The following ZP3 variants were observed in gnomAD, a reference collection of about 807,000 sequenced individuals.
ZP3 encodes zona pellucida sperm-binding protein 3.
A neutral mutation model predicts 35.6 loss-of-function variants in ZP3; 21 were observed. That is an observed-to-expected ratio of 0.59 (90% confidence interval 0.42 to 0.85). ZP3 has a LOEUF of 0.85. Ranked by LOEUF, ZP3 falls within the 40% of genes least tolerant of loss-of-function variation. ZP3 has a pLI of 0.00. For missense variants in ZP3, 437 were observed against 536.5 expected (o/e 0.81, Z 1.83); for synonymous variants, 207 against 214.5 (o/e 0.96, Z 0.31).
At chr7:76,419,699 C>CTCCCTT (rs1554624168) in intron 1 of ZP3, among the ~76,000 whole-genome samples, 1 of 144,760 alleles carries the variant, frequency 6.9e-6, no homozygotes, top group East Asian at 2.0e-4. Flanking sequence ...CTCTCTCTCT[C>CTCCCTT]CCTTCCTTCC....
chr7:76,440,493 C>A lies in ZP3; in HGVS notation c.942C>A (p.Gly314=), dbSNP rs148976073. 8.3e-3 allele frequency: 13,427 copies of A among 1,613,362 alleles called. 419 individuals carry two copies. The African/African-American group carries it at 0.12, about 15-fold the overall frequency. The change falls in exon 7 of 8, where the codon GGC becomes GGA. Residue 314 remains glycine, a synonymous_variant. Coordinates refer to ENST00000394857, the MANE Select transcript of ZP3 (RefSeq NM_001110354.2). ...KPSNSWFPVE[G]SADICQCCNK... ...ATCTCAGCTGGTTCCCAGTGGAAGG[C>A]TCGGCTGACATCTGTCAATGCTGTA...
intron 1 of ZP3, among the ~76,000 whole-genome samples, chr7:76,426,022 G>A (rs1008986590): frequency 4.0e-5 from 6 of 151,392 alleles, no homozygotes; most frequent in Admixed American, 1.3e-4. Context: ...GGCAAAGGTT[G>A]CAGTGAGCTG....
chr7:76,436,056 T>TCC (rs1805997260), intron 5 of ZP3, among the ~76,000 whole-genome samples: 5 of 77,472 alleles, frequency 6.5e-5, no homozygotes, highest in South Asian at 3.5e-4. Flanking sequence ...TTTTTTTTTT[T>TCC]TTTTTTTTTT....
chr7:76,400,905 G>C lies in ZP3; in HGVS notation c.-67+3108G>C, dbSNP rs1359848514. 4.1e-6 allele frequency: 6 copies of C among 1,466,078 alleles called. No homozygotes were observed. The African/African-American group carries it at 8.4e-5, about 21-fold the overall frequency. 90.8% of individuals were successfully genotyped at this position (1,466,078 alleles called of 1,614,324 possible). A position where few individuals can be genotyped will look rare whatever the true frequency, so the allele number is the denominator to read the frequency against. On this transcript the variant is annotated intron_variant, in intron 1 of 8. Coordinates refer to the ZP3 transcript ENST00000336517. The stretch of plus-strand genomic sequence containing the variant: ...CTCCCCTGAGATGGGGGCATCTAGA[G>C]TCAAGGGGGGCTGGTTAGTCATCAC...
At chr7:76,404,624 C>A in intron 1 of ZP3, 1 of 787,836 alleles carries the variant, frequency 1.3e-6, no homozygotes, top group Non-Finnish European at 2.0e-6. Flanking sequence ...AGACCCCCAT[C>A]TCTACAAAAA....
chr7:76,421,810 A>G (rs1245095434), upstream of ZP3, among the ~76,000 whole-genome samples: 2 of 151,984 alleles, frequency 1.3e-5, no homozygotes, highest in East Asian at 3.9e-4. Context: ...AATTTCACCC[A>G]GGGACAGCAT....
chr7:76,435,891 A>T (rs1292111720), intron 5 of ZP3, among the ~76,000 whole-genome samples: 2 of 152,042 alleles, frequency 1.3e-5, no homozygotes, highest in Non-Finnish European at 2.9e-5. Flanking sequence ...TGCCCGGCTA[A>T]TCCTTGTATT....
intron 1 of ZP3, chr7:76,400,577 C>T (rs1480691699): frequency 6.8e-7 from 1 of 1,479,200 alleles, no homozygotes; most frequent in Non-Finnish European, 9.0e-7. Flanking sequence ...CTGGGGCCCC[C>T]CACCAGCCTC....
intron 1 of ZP3, among the ~76,000 whole-genome samples, chr7:76,418,889 T>C (rs1805442688): frequency 6.6e-6 from 1 of 152,022 alleles, no homozygotes; most frequent in African/African-American, 2.4e-5. Flanking sequence ...AACACATCTT[T>C]GCATTGGAGT....
intron 1 of ZP3, among the ~76,000 whole-genome samples, chr7:76,412,163 G>A (rs924748273): frequency 6.6e-6 from 1 of 150,958 alleles, no homozygotes; most frequent in Non-Finnish European, 1.5e-5. Flanking sequence ...ACTCCAGCCT[G>A]GGGGACAGAG....
intron 5 of ZP3, among the ~76,000 whole-genome samples, chr7:76,438,538 G>GAAAA (rs71085417): frequency 0.12 from 10,827 of 87,536 alleles, 163 homozygotes; most frequent in East Asian, 0.29. Context: ...CTCCGTCTCA[G>GAAAA]AAAAAAAAAA....
At chr7:76,432,348 C>A (rs1360293585) in intron 2 of ZP3, among the ~76,000 whole-genome samples, 4 of 151,994 alleles carry the variant, frequency 2.6e-5, no homozygotes, top group Non-Finnish European at 5.9e-5. Flanking sequence ...GCCACCATGC[C>A]CGGATAATTT....
In ZP3 at chr7:76,425,195, C is replaced by G. The variant is rs1191148855; in HGVS notation, c.231C>G (p.Ala77=). Residue 77 remains alanine, a synonymous_variant, in exon 1 of 8, where the codon GCC becomes GCG. Transcript: ENST00000394857. ...RAADLTLGPE[A]CEPLVSMDTE... ...CTGACCTCACCTTGGGCCCAGAGGCCTGTGAGCCTCTGGTCTCCATGGACA... is the reference window on the plus strand; with the variant it reads ...CTGACCTCACCTTGGGCCCAGAGGCGTGTGAGCCTCTGGTCTCCATGGACA... 1.4e-5 allele frequency: 22 copies of G among 1,613,856 alleles called. No individual in the cohort carries two copies. The highest frequency in any genetic ancestry group is 1.8e-5 in the Non-Finnish European group (21 of 1,180,020).
intron 5 of ZP3, among the ~76,000 whole-genome samples, chr7:76,437,791 G>A (rs568588154): frequency 1.3e-4 from 19 of 151,808 alleles, no homozygotes; most frequent in Middle Eastern, 6.8e-3. Flanking sequence ...GAGCCACCAC[G>A]CCCAGCCTAG....
At chr7:76,433,795 T>C in intron 4 of ZP3, 148 bp downstream of exon 4, 1 of 1,074,268 alleles carries the variant, frequency 9.3e-7, no homozygotes, top group Non-Finnish European at 1.3e-6. Flanking sequence ...GCCTCCCAGG[T>C]TTAAGTGATT....
chr7:76,440,699 C>T lies in ZP3; in HGVS notation c.1060+88C>T, dbSNP rs1330053112. 5.2e-6 allele frequency: 8 copies of T among 1,534,072 alleles called. No individual in the cohort carries two copies. In the African/African-American group the frequency reaches 5.5e-5, roughly 11 times the overall value. ...TCATTTCAGGGTGATGGTATTTTCC[C>T]TTGTCCTCCATTAAAACTGTTTGTA... On this transcript the variant is annotated intron_variant, in intron 7 of 7. Coordinates refer to ENST00000394857, the MANE Select transcript of ZP3 (RefSeq NM_001110354.2).
intron 1 of ZP3, among the ~76,000 whole-genome samples, chr7:76,418,495 G>A (rs887575070): frequency 7.0e-6 from 1 of 142,482 alleles, no homozygotes; most frequent in Non-Finnish European, 1.5e-5. Flanking sequence ...AGGTTGCAGT[G>A]AGCCAGGATA....
chr7:76,426,907 C>CACACACACACACACACACACAA (rs57796274), intron 1 of ZP3, among the ~76,000 whole-genome samples: 5,332 of 126,680 alleles, frequency 0.042, 209 homozygotes, highest in Middle Eastern at 0.099. Flanking sequence ...CACACACACA[C>CACACACACACACACACACACAA]AATAGGGTGT....
At chr7:76,431,551 T>C (rs962338694) in intron 2 of ZP3, among the ~76,000 whole-genome samples, 2 of 152,106 alleles carry the variant, frequency 1.3e-5, no homozygotes, top group Non-Finnish European at 2.9e-5. Context: ...GTCACTGGTG[T>C]GGGTCCAGGC....
Sources: gnomAD v4.1 joint callset for allele counts (sites outside exome capture counted in the v4.1 genomes callset) on GRCh38, gnomAD v4.1.1 for gene constraint, MANE v1.5 for transcripts, NCBI Gene and HGNC (gene_info 2026-07-23, HGNC 2026-07-21) for gene names.